Variants in CHIT1 observed in about 807,000 individuals in gnomAD.
The protein encoded by CHIT1 is chitotriosidase-1.
In CHIT1, 47 loss-of-function variants were observed where a neutral mutation model predicts 52.0. The ratio of observed to expected loss-of-function variants is 0.90; its 90% confidence interval spans 0.71 to 1.15. The LOEUF (loss-of-function observed/expected upper bound fraction) is 1.15. Ranked by LOEUF, CHIT1 falls within the 50% of genes most tolerant of loss-of-function variation. The pLI is 0.00. For synonymous variants in CHIT1, 242 were observed against 228.2 expected (o/e 1.06, Z -0.54); for missense variants, 569 against 583.0 (o/e 0.98, Z 0.25).
In CHIT1 at chr1:203,217,004, G is replaced by T. The variant is rs1656556494; in HGVS notation, c.1286C>A (p.Pro429His). 1.2e-6 allele frequency: 2 copies of T among 1,614,112 alleles called. No homozygotes were observed. Among genetic ancestry groups the T allele is most frequent in the Non-Finnish European group, 8.5e-7 (1 of 1,180,062 alleles). The change falls in exon 11 of 11, where the codon CCC becomes CAC. Residue 429 changes from proline to histidine, a missense_variant. Transcript: ENST00000367229. ...GAAGCTGGACCGTTCCCGAGGATTGGGATAGAGCCCATCAGCTTTGCCCTG... is the reference window on the plus strand; with the variant it reads ...GAAGCTGGACCGTTCCCGAGGATTGTGATAGAGCCCATCAGCTTTGCCCTG... The part of the protein sequence containing the change: ...FCQGKADGLY[P>H]NPRERSSFYS...
chr1:203,225,358 A>G (rs1047482732), intron 3 of CHIT1, among the ~76,000 whole-genome samples: 5 of 152,118 alleles, frequency 3.3e-5, no homozygotes, highest in Non-Finnish European at 5.9e-5. Context: ...GGCTTTGTGA[A>G]GGCGCCCAGA....
At chr1:203,226,208 C>T (rs748409333) in intron 2 of CHIT1, among the ~76,000 whole-genome samples, 1 of 152,200 alleles carries the variant, frequency 6.6e-6, no homozygotes, top group African/African-American at 2.4e-5. Flanking sequence ...AGAGGTGCTG[C>T]GACCCAAGTC....
At chr1:203,229,701 T>G, upstream of CHIT1, 1 of 1,594,154 alleles carries the variant, frequency 6.3e-7, no homozygotes, top group East Asian at 2.2e-5. Flanking sequence ...TCTGCTTTTA[T>G]CTGGCCACCC....
intron 7 of CHIT1, among the ~76,000 whole-genome samples, chr1:203,221,336 T>C (rs999576988): frequency 1.3e-5 from 2 of 152,188 alleles, no homozygotes; most frequent in Admixed American, 6.5e-5. Context: ...TATAGAGGGC[T>C]TATAAAAAGG....
intron 2 of CHIT1, 112 bp downstream of exon 2, chr1:203,228,421 G>A: frequency 5.2e-6 from 6 of 1,153,082 alleles, no homozygotes; most frequent in Non-Finnish European, 7.6e-6. Flanking sequence ...CTTTGGAAGA[G>A]AGTCCCCACT....
chr1:203,222,689 A>T (rs1413068589), intron 6 of CHIT1, among the ~76,000 whole-genome samples: 6 of 152,308 alleles, frequency 3.9e-5, no homozygotes, highest in African/African-American at 1.2e-4. Flanking sequence ...ATCTCACTAA[A>T]ATGAAGGTTC....
rs772910185 is a variant in CHIT1 at position 203,223,653 on chromosome 1, C to T, written c.322G>A (p.Asp108Asn). The T allele has an allele frequency of 6.2e-7, 1 of 1,614,212 alleles. No homozygotes were observed. The highest frequency in any genetic ancestry group is 1.7e-5 in the Admixed American group (1 of 60,026). ...GWNFGTQKFT[D>N]MVATANNRQT... Reference sequence around the variant, plus strand: ...CGGTTGTTGGCCGTGGCTACCATATCTGTGAACCTGTGAGGTGATGAAGGG... The same window carrying T: ...CGGTTGTTGGCCGTGGCTACCATATTTGTGAACCTGTGAGGTGATGAAGGG... Residue 108 changes from aspartate (D) to asparagine (N), a missense_variant, in exon 5 of 11, where the codon GAT (aspartate) becomes AAT (asparagine). Physicochemically the swap from Asp to Asn is conservative, Grantham distance 23. Transcript: ENST00000367229.
At chr1:203,224,981 C>G in intron 4 of CHIT1, 67 bp downstream of exon 4, 2 of 1,420,914 alleles carry the variant, frequency 1.4e-6, no homozygotes, top group South Asian at 1.1e-5. Flanking sequence ...GACCAGGGCT[C>G]CCTCTGGCCA....
chr1:203,226,714 G>A (rs1368866777), intron 2 of CHIT1, among the ~76,000 whole-genome samples: 5 of 151,878 alleles, frequency 3.3e-5, no homozygotes, highest in Non-Finnish European at 7.4e-5. Context: ...AAAAGACTTT[G>A]CAGGGGTGGG....
In CHIT1 at chr1:203,228,527, A is replaced by C. The variant is rs997151917; in HGVS notation, c.55+6T>G. 7.6e-6 allele frequency: 12 copies of C among 1,588,618 alleles called. No homozygotes were observed. Among genetic ancestry groups the C allele is most frequent in the African/African-American group, 2.7e-5 (2 of 74,212 alleles). ...GGCTGAGGCAGCCAAGAAAGAGGCT[A>C]CTTACCCCATGGGATCATCAGCAGG... is the stretch of plus-strand genomic sequence containing the variant. On this transcript the variant is annotated splice_donor_region_variant and intron_variant, in intron 2 of 10. Transcript: ENST00000367229.
chr1:203,216,214 T>C lies in CHIT1; in HGVS notation c.*675A>G. 2.2e-6 allele frequency: 1 copy of C among 454,116 alleles called. No individual in the cohort carries two copies. The highest frequency in any genetic ancestry group is 4.4e-6 in the Non-Finnish European group (1 of 226,778). 28.1% of individuals were successfully genotyped at this position (454,116 alleles called of 1,614,324 possible). On this transcript the variant is annotated 3_prime_UTR_variant, in exon 11 of 11. Transcript: ENST00000367229. ...GCCTATAAAGTGAGAATAATCATTG[T>C]TCCTTCTTCATCTGGTGAACGGGGG...
chr1:203,226,295 C>T (rs1656927146), intron 2 of CHIT1, among the ~76,000 whole-genome samples: 1 of 152,212 alleles, frequency 6.6e-6, no homozygotes, highest in South Asian at 2.1e-4. Flanking sequence ...GCAGGCAGGT[C>T]TCCCTATCCC....
intron 6 of CHIT1, among the ~76,000 whole-genome samples, chr1:203,222,736 T>C (rs894371892): frequency 2.6e-5 from 4 of 152,186 alleles, no homozygotes; most frequent in Admixed American, 2.0e-4. Context: ...GAGTCCATAA[T>C]TCTAATGAGC....
chr1:203,223,407 G>C, intron 5 of CHIT1, 88 bp downstream of exon 5: 5 of 1,599,246 alleles, frequency 3.1e-6, no homozygotes, highest in Admixed American at 3.3e-5. Context: ...AGCTGGCTCT[G>C]GGGGCAGAGC....
rs763988714 is a variant in CHIT1, at chr1:203,216,990, G to A, written c.1300C>T (p.Arg434Trp). Residue 434 changes from arginine to tryptophan, a missense_variant, in exon 11 of 11, where the codon CGG (arginine) becomes TGG (tryptophan). Physicochemically the swap from Arg to Trp is moderately radical, Grantham distance 101 (BLOSUM62 -3). Coordinates refer to ENST00000367229, the MANE Select transcript of CHIT1 (RefSeq NM_003465.3). ...ADGLYPNPRERSSFYSCAAGR... is the reference protein window; with the variant it reads ...ADGLYPNPREWSSFYSCAAGR... ...GCTGCACAGCTGTAGAAGCTGGACCGTTCCCGAGGATTGGGATAGAGCCCA... is the reference window on the plus strand; with the variant it reads ...GCTGCACAGCTGTAGAAGCTGGACCATTCCCGAGGATTGGGATAGAGCCCA... 46 of 1,614,176 alleles carry A rather than the reference G, an allele frequency of 2.8e-5. 2 individuals are homozygous for A. The highest frequency in any genetic ancestry group is 2.2e-4 in the South Asian group (20 of 91,084).
chr1:203,228,700 C>G (rs1657021887), intron 1 of CHIT1, 138 bp from the exon 2 acceptor site: 5 of 999,376 alleles, frequency 5.0e-6, no homozygotes, highest in Middle Eastern at 2.5e-4. Flanking sequence ...CAGAAGGGAC[C>G]CAGGAGGGCA....
At chr1:203,222,476 T>A (rs770610721) in intron 6 of CHIT1, 151 bp from the exon 7 acceptor site, 2 of 1,173,752 alleles carry the variant, frequency 1.7e-6, no homozygotes, top group Non-Finnish European at 2.4e-6. Context: ...CTGCAGAAGG[T>A]GACCCAGACA....
At chr1:203,217,661 T>TAC in intron 10 of CHIT1, 78 bp downstream of exon 10, 1 of 1,606,520 alleles carries the variant, frequency 6.2e-7, no homozygotes, top group African/African-American at 1.3e-5. Flanking sequence ...ACCCGGGACC[T>TAC]ACAGTTCATT....
rs1656822080 is a variant in CHIT1, at chr1:203,223,614, T to C, written c.361A>G (p.Asn121Asp). Residue 121 changes from asparagine (N) to aspartate (D), a missense_variant, in exon 5 of 11, where the codon AAC becomes GAC. Asn to Asp is a conservative substitution (Grantham distance 23, BLOSUM62 1). Coordinates refer to ENST00000367229, the MANE Select transcript of CHIT1 (RefSeq NM_003465.3). ...TTGCGCAGAAACCTGATGGCCGAGTTGACAAAGGTCTGACGGTTGTTGGCC... is the reference window on the plus strand; with the variant it reads ...TTGCGCAGAAACCTGATGGCCGAGTCGACAAAGGTCTGACGGTTGTTGGCC... ...ATANNRQTFV[N>D]SAIRFLRKYS... 6.2e-7 allele frequency: 1 copy of C among 1,614,094 alleles called. No individual in the cohort carries two copies. Among genetic ancestry groups the C allele is most frequent in the South Asian group, 1.1e-5 (1 of 91,090 alleles).
Sources: gnomAD v4.1 joint callset for allele counts (sites outside exome capture counted in the v4.1 genomes callset) on GRCh38, gnomAD v4.1.1 for gene constraint, MANE v1.5 for transcripts, NCBI Gene and HGNC (gene_info 2026-07-23, HGNC 2026-07-21) for gene names.